NRXN1: variants seen among roughly 807,000 people sequenced by gnomAD.
The protein encoded by NRXN1 is neurexin 1, also known as neurexin-1.
A neutral mutation model predicts 150.9 loss-of-function variants in NRXN1; 39 were observed. The observed-to-expected ratio is 0.26, with a 90% CI of 0.20 to 0.34. The LOEUF (loss-of-function observed/expected upper bound fraction) is 0.34, where lower values mean the gene tolerates loss of function less well. Among genes scored for constraint, NRXN1 ranks in the 10% least tolerant of loss-of-function variants. NRXN1 has a pLI of 1.00. For missense variants in NRXN1, 1,815 were observed against 1,949.9 expected (o/e 0.93, Z 1.30); for synonymous variants, 924 against 757.0 (o/e 1.22, Z -3.62).
At chr2:50,320,572 G>A (rs1377496074) in intron 17 of NRXN1, among the ~76,000 whole-genome samples, 1 of 151,788 alleles carries the variant, frequency 6.6e-6, no homozygotes, top group African/African-American at 2.4e-5. Flanking sequence ...ATGTGAGCAG[G>A]AGTCATAAAG....
chr2:50,063,828 G>A (rs988639478), intron 19 of NRXN1, among the ~76,000 whole-genome samples: 14 of 152,050 alleles, frequency 9.2e-5, no homozygotes, highest in African/African-American at 4.8e-5. Context: ...AATGCTGTAC[G>A]CCTTATGTAT....
At chr2:50,471,845 T>G (rs1309049408) in intron 16 of NRXN1, among the ~76,000 whole-genome samples, 1 of 151,758 alleles carries the variant, frequency 6.6e-6, no homozygotes, top group African/African-American at 2.4e-5. Context: ...CAAGTTGACC[T>G]ACATAACAAA....
chr2:50,781,731 A>G (rs1386101297), intron 5 of NRXN1, among the ~76,000 whole-genome samples: 3 of 152,222 alleles, frequency 2.0e-5, no homozygotes, highest in African/African-American at 7.2e-5. Flanking sequence ...GTATGATTGG[A>G]AAGTAAATTC....
intron 5 of NRXN1, among the ~76,000 whole-genome samples, chr2:50,781,514 C>G (rs927453230): frequency 6.6e-6 from 1 of 152,160 alleles, no homozygotes; most frequent in Admixed American, 6.5e-5. Context: ...GAGAGTGATT[C>G]AAAGGCATTC....
intron 5 of NRXN1, among the ~76,000 whole-genome samples, chr2:50,795,141 T>C (rs1706623082): frequency 6.6e-6 from 1 of 152,128 alleles, no homozygotes; most frequent in Non-Finnish European, 1.5e-5. Flanking sequence ...CCTGTAGTCT[T>C]TTCAGTGAAA....
chr2:50,313,374 T>C (rs921221021), intron 17 of NRXN1, among the ~76,000 whole-genome samples: 1 of 152,104 alleles, frequency 6.6e-6, no homozygotes, highest in Non-Finnish European at 1.5e-5. Flanking sequence ...ATTTAGTTTA[T>C]TTATGCATTT....
rs367944282 is a variant in NRXN1 at position 50,206,883 on chromosome 2, T to TACACAC, written c.3546+29900_3546+29905dup. Among the ~76,000 whole-genome samples the TACACAC allele has an allele frequency of 2.1e-4, 32 of 149,688 alleles. No homozygotes were observed. In the East Asian group the frequency reaches 5.3e-3, roughly 25 times the overall value. On this transcript the variant is annotated intron_variant, in intron 18 of 22. Transcript: ENST00000401669. ...TACACACACACACAGAAATGGGCAG[T>TACACAC]ACACACACACACACACACACACATA...
intron 9 of NRXN1, among the ~76,000 whole-genome samples, chr2:50,539,745 G>A (rs1361779241): frequency 6.6e-6 from 1 of 152,202 alleles, no homozygotes; most frequent in Non-Finnish European, 1.5e-5. Context: ...ATGAGAGAGA[G>A]AGGATGAGAA....
chr2:50,803,288 C>G (rs903878004), intron 5 of NRXN1, among the ~76,000 whole-genome samples: 1 of 152,004 alleles, frequency 6.6e-6, no homozygotes, highest in Non-Finnish European at 1.5e-5. Context: ...ATCTGAGAAG[C>G]CTTTTCAGAA....
intron 5 of NRXN1, among the ~76,000 whole-genome samples, chr2:50,856,970 A>G (rs1345935736): frequency 6.6e-6 from 1 of 152,090 alleles, no homozygotes; most frequent in East Asian, 1.9e-4. Flanking sequence ...ATACCACAAG[A>G]GACAAATGCC....
chr2:50,399,852 A>AT (rs1558664759), intron 17 of NRXN1, among the ~76,000 whole-genome samples: 14 of 136,448 alleles, frequency 1.0e-4, no homozygotes, highest in African/African-American at 3.9e-4. Flanking sequence ...AAAAAAAAAA[A>AT]TTCTCAGAAA....
intron 5 of NRXN1, among the ~76,000 whole-genome samples, chr2:50,815,444 G>A (rs1453006660): frequency 6.6e-6 from 1 of 152,104 alleles, no homozygotes; most frequent in African/African-American, 2.4e-5. Flanking sequence ...GTAACAATAT[G>A]TGAGAATTAT....
intron 9 of NRXN1, among the ~76,000 whole-genome samples, chr2:50,551,056 A>AAGAG (rs1573510017): frequency 1.9e-4 from 15 of 80,916 alleles, no homozygotes; most frequent in East Asian, 1.4e-3. Context: ...AAGAGGAAGA[A>AAGAG]GAAGAAGAAG....
intron 17 of NRXN1, chr2:50,416,963 C>A (rs752681955): frequency 6.6e-6 from 1 of 152,042 alleles, no homozygotes; most frequent in Non-Finnish European, 1.5e-5. Context: ...TGCATTAGTG[C>A]AGTAAATGAA....
At chr2:50,740,472 GT>G (rs1699298932) in intron 5 of NRXN1, among the ~76,000 whole-genome samples, 1 of 152,186 alleles carries the variant, frequency 6.6e-6, no homozygotes, top group Non-Finnish European at 1.5e-5. Context: ...GAGTGAAGAT[GT>G]CCAGGTTCTA....
chr2:50,048,022 C>T (rs1692107726), intron 21 of NRXN1, among the ~76,000 whole-genome samples: 1 of 151,892 alleles, frequency 6.6e-6, no homozygotes, highest in African/African-American at 2.4e-5. Context: ...AACCTCCAGA[C>T]CCCAAAGAAA....
chr2:50,082,682 T>G (rs1698139457), intron 19 of NRXN1, among the ~76,000 whole-genome samples: 1 of 152,198 alleles, frequency 6.6e-6, no homozygotes, highest in South Asian at 2.1e-4. Context: ...AAGCTTAAGT[T>G]TAGCTTCAAA....
intron 12 of NRXN1, among the ~76,000 whole-genome samples, chr2:50,520,342 G>C (rs956386045): frequency 2.6e-5 from 4 of 151,704 alleles, no homozygotes; most frequent in Non-Finnish European, 5.9e-5. Flanking sequence ...ATATGATCTA[G>C]TGTAGCTTTA....
Position 51,032,056 on chromosome 2 carries a change from G to A in NRXN1, c.-997C>T, listed in dbSNP as rs1221899368. The A allele has an allele frequency of 6.6e-6, 1 of 152,272 alleles. No individual in the cohort carries two copies. The highest frequency in any genetic ancestry group is 1.5e-5 in the Non-Finnish European group (1 of 68,160). The allele number at this position is 152,272 out of a possible 1,614,324, so 9.4% of individuals were successfully genotyped here. A position where few individuals can be genotyped will look rare whatever the true frequency, so the allele number is the denominator to read the frequency against. ...TCAAAGCGAATTTCCTGAGGTCTAT[G>A]GATAAGGCGACTGCTGCTGCCTTTT... is the stretch of plus-strand genomic sequence containing the variant. On this transcript the variant is annotated 5_prime_UTR_variant, in exon 1 of 23. Coordinates refer to ENST00000401669, the MANE Select transcript of NRXN1 (RefSeq NM_001330078.2).
Sources: allele counts gnomAD v4.1 joint callset (sites outside exome capture counted in the v4.1 genomes callset), GRCh38; gene constraint gnomAD v4.1.1; transcripts MANE v1.5; gene names NCBI Gene and HGNC (gene_info 2026-07-23, HGNC 2026-07-21).